The following NR3C2 variants were observed in gnomAD, a reference collection of about 807,000 sequenced individuals.
NR3C2 encodes mineralocorticoid receptor.
A neutral mutation model predicts 86.4 loss-of-function variants in NR3C2; 15 were observed. The observed-to-expected ratio is 0.17, with a 90% CI of 0.12 to 0.27. The LOEUF (loss-of-function observed/expected upper bound fraction) is 0.27. NR3C2 is among the 10% of genes least tolerant of loss of function. The pLI is 1.00. For missense variants in NR3C2, 960 were observed against 1,195.6 expected (o/e 0.80, Z 2.91); for synonymous variants, 458 against 450.5 (o/e 1.02, Z -0.21).
At chr4:148,177,138 G>C (rs1240688644) in intron 4 of NR3C2, among the ~76,000 whole-genome samples, 1 of 152,166 alleles carries the variant, frequency 6.6e-6, no homozygotes, top group Non-Finnish European at 1.5e-5. Flanking sequence ...AGCAAATGAA[G>C]TGCTCAGCAA....
rs1747135646 is a variant in NR3C2 at position 148,383,970 on chromosome 4, A to AG, written c.1757+51133dup. Among the ~76,000 whole-genome samples, 4 of 150,756 alleles carry AG rather than the reference A, an allele frequency of 2.7e-5. No homozygotes were observed. The South Asian group carries it at 8.4e-4, about 31-fold the overall frequency. The stretch of plus-strand genomic sequence containing the variant: ...CTCAGGGGAAAAAAAAAAAAAAAAA[A>AG]GCACCTTTTAAAATTGGATGGCAGC... On this transcript the variant is annotated intron_variant, in intron 2 of 8. Coordinates refer to ENST00000358102, the MANE Select transcript of NR3C2 (RefSeq NM_000901.5).
intron 2 of NR3C2, among the ~76,000 whole-genome samples, chr4:148,344,744 G>A (rs568875803): frequency 2.6e-5 from 4 of 152,182 alleles, no homozygotes; most frequent in South Asian, 4.1e-4. Context: ...AGACAATTAC[G>A]TATGAATTAT....
At chr4:148,382,383 C>T (rs1295264770) in intron 2 of NR3C2, among the ~76,000 whole-genome samples, 1 of 152,190 alleles carries the variant, frequency 6.6e-6, no homozygotes, top group Non-Finnish European at 1.5e-5. Flanking sequence ...CAAGCACTTA[C>T]TATGTAACAG....
Position 148,078,812 on chromosome 4 carries a change from G to C in NR3C2, c.*2532C>G, listed in dbSNP as rs1217918981. The C allele has an allele frequency of 2.0e-5, 3 of 152,690 alleles. No homozygotes were observed. In the East Asian group the frequency reaches 5.8e-4, roughly 29 times the overall value. The allele number at this position is 152,690 out of a possible 1,614,324, so 9.5% of individuals were successfully genotyped here. A position where few individuals can be genotyped will look rare whatever the true frequency, so the allele number is the denominator to read the frequency against. On this transcript the variant is annotated 3_prime_UTR_variant, in exon 9 of 9. Transcript: ENST00000358102. ...TAATCTGCTTACAGTCCTTTGCAAA[G>C]ACAGACATATGTTTTTGCATAAAGA...
At chr4:148,243,170 A>G (rs1459271378) in intron 3 of NR3C2, among the ~76,000 whole-genome samples, 4 of 151,968 alleles carry the variant, frequency 2.6e-5, no homozygotes, top group African/African-American at 9.7e-5. Flanking sequence ...AGCTAGGATT[A>G]TGGGTGTGTG....
Position 148,081,190 on chromosome 4 carries a change from C to A in NR3C2, c.*154G>T. 1 of 1,097,292 alleles carries A rather than the reference C, an allele frequency of 9.1e-7. No homozygotes were observed. Among genetic ancestry groups the A allele is most frequent in the Non-Finnish European group, 1.3e-6 (1 of 741,908 alleles). 68.0% of individuals were successfully genotyped at this position (1,097,292 alleles called of 1,614,324 possible). A position where few individuals can be genotyped will look rare whatever the true frequency, so the allele number is the denominator to read the frequency against. On this transcript the variant is annotated 3_prime_UTR_variant, in exon 9 of 9. Coordinates refer to ENST00000358102, the MANE Select transcript of NR3C2 (RefSeq NM_000901.5). ...CCAAATCCACGGAAAAACAGCTTTC[C>A]CGGCTCCAAACCTCTGACATGACTT...
chr4:148,133,276 T>C (rs2149744670), intron 6 of NR3C2, among the ~76,000 whole-genome samples: 1 of 152,156 alleles, frequency 6.6e-6, no homozygotes, highest in South Asian at 2.1e-4. Flanking sequence ...AGGCTATAGA[T>C]TTTAATACTA....
At chr4:148,336,411 A>T (rs1744490009) in intron 2 of NR3C2, among the ~76,000 whole-genome samples, 1 of 152,190 alleles carries the variant, frequency 6.6e-6, no homozygotes, top group Admixed American at 6.5e-5. Context: ...AAGGATCTCA[A>T]GGACTTCAAA....
intron 2 of NR3C2, among the ~76,000 whole-genome samples, chr4:148,378,380 CA>C (rs372658464): frequency 0.073 from 10,522 of 143,250 alleles, 399 homozygotes; most frequent in African/African-American, 0.13. Context: ...CCACCTCCAC[CA>C]AAAAAAAAAA....
At chr4:148,356,767 C>G (rs1490146346) in intron 2 of NR3C2, among the ~76,000 whole-genome samples, 1 of 152,118 alleles carries the variant, frequency 6.6e-6, no homozygotes, top group Admixed American at 6.5e-5. Flanking sequence ...AATAAAAATT[C>G]ACTTTCCCAC....
chr4:148,303,806 C>T (rs1742464238), intron 2 of NR3C2, among the ~76,000 whole-genome samples: 1 of 152,182 alleles, frequency 6.6e-6, no homozygotes, highest in Admixed American at 6.5e-5. Flanking sequence ...GTATCCATGG[C>T]ATAAATGAGG....
intron 2 of NR3C2, among the ~76,000 whole-genome samples, chr4:148,343,375 T>G (rs2149983602): frequency 6.6e-6 from 1 of 152,184 alleles, no homozygotes; most frequent in East Asian, 1.9e-4. Flanking sequence ...CGGATTCAAG[T>G]CCCAAGGCAG....
chr4:148,222,430 G>C (rs1160160396), intron 3 of NR3C2, among the ~76,000 whole-genome samples: 1 of 152,024 alleles, frequency 6.6e-6, no homozygotes, highest in Admixed American at 6.6e-5. Context: ...ATTCACCTTG[G>C]TTATCCAAAG....
At chr4:148,162,606 G>C (rs1162764229) in intron 4 of NR3C2, among the ~76,000 whole-genome samples, 1 of 152,156 alleles carries the variant, frequency 6.6e-6, no homozygotes, top group Non-Finnish European at 1.5e-5. Flanking sequence ...AAAGCTTCTG[G>C]AGCTTTCTTG....
chr4:148,139,712 T>C (rs1733521305), intron 6 of NR3C2, among the ~76,000 whole-genome samples: 1 of 152,188 alleles, frequency 6.6e-6, no homozygotes, highest in African/African-American at 2.4e-5. Context: ...TGCGCTTTAA[T>C]AAGCAGGCCG....
At chr4:148,193,745 G>A (rs962229745) in intron 4 of NR3C2, among the ~76,000 whole-genome samples, 2 of 152,166 alleles carry the variant, frequency 1.3e-5, no homozygotes, top group African/African-American at 4.8e-5. Context: ...TCTCTACTTG[G>A]AGAGTATTAA....
intron 2 of NR3C2, among the ~76,000 whole-genome samples, chr4:148,261,141 A>T (rs1740076626): frequency 6.6e-6 from 1 of 152,254 alleles, no homozygotes; most frequent in African/African-American, 2.4e-5. Context: ...GCAACACTTC[A>T]TAAAGTAGAA....
chr4:148,368,230 C>T (rs1746246525), intron 2 of NR3C2: 1 of 152,240 alleles, frequency 6.6e-6, no homozygotes, highest in African/African-American at 2.4e-5. Flanking sequence ...CATAGCCCCA[C>T]AAACCCCAGC....
chr4:148,202,650 A>T (rs1482324471), intron 3 of NR3C2, among the ~76,000 whole-genome samples: 2 of 152,168 alleles, frequency 1.3e-5, no homozygotes, highest in African/African-American at 4.8e-5. Flanking sequence ...GAAATGTGCT[A>T]TTTTACAGGT....
Sources: allele counts gnomAD v4.1 joint callset (sites outside exome capture counted in the v4.1 genomes callset), GRCh38; gene constraint gnomAD v4.1.1; transcripts MANE v1.5; gene names NCBI Gene and HGNC (gene_info 2026-07-23, HGNC 2026-07-21).